ZBTB16: variants seen among roughly 807,000 people sequenced by gnomAD.
The protein encoded by ZBTB16 is zinc finger and BTB domain-containing protein 16.
ZBTB16 carries 8 observed loss-of-function variants against 56.8 expected under a neutral mutation model. The observed-to-expected ratio is 0.14, with a 90% CI of 0.08 to 0.25. The LOEUF is 0.25. ZBTB16 is among the 10% of genes least tolerant of loss of function. The pLI is 1.00. For missense variants in ZBTB16, 625 were observed against 903.0 expected, an observed-to-expected ratio of 0.69 and a Z score of 3.95; for synonymous variants, 363 against 368.5, an observed-to-expected ratio of 0.98 and a Z score of 0.17.
At chr11:114,230,645 G>GTGGGA (rs1375612792) in intron 4 of ZBTB16, among the ~76,000 whole-genome samples, 1 of 114,418 alleles carries the variant, frequency 8.7e-6, no homozygotes, top group Non-Finnish European at 1.7e-5. Context: ...GGGGGGGCGG[G>GTGGGA]AAGGAGAGGA....
intron 3 of ZBTB16, among the ~76,000 whole-genome samples, chr11:114,166,828 C>T (rs1184766815): frequency 1.3e-5 from 2 of 152,166 alleles, no homozygotes; most frequent in Non-Finnish European, 2.9e-5. Context: ...AGCCCCATGA[C>T]CTTTGGGGCT....
At chr11:114,214,947 G>A (rs978301001) in intron 4 of ZBTB16, among the ~76,000 whole-genome samples, 1 of 151,686 alleles carries the variant, frequency 6.6e-6, no homozygotes, top group Admixed American at 6.6e-5. Context: ...CTGCTCAATT[G>A]GGGTGGAGGG....
chr11:114,153,597 T>C (rs1942328724), intron 2 of ZBTB16, among the ~76,000 whole-genome samples: 1 of 152,160 alleles, frequency 6.6e-6, no homozygotes, highest in African/African-American at 2.4e-5. Flanking sequence ...CTCAGGCCAC[T>C]TGGATTAGAT....
intron 2 of ZBTB16, among the ~76,000 whole-genome samples, chr11:114,080,372 A>G (rs114819992): frequency 0.028 from 4,198 of 151,664 alleles, 178 homozygotes; most frequent in African/African-American, 0.095. Flanking sequence ...TGTCTGTTGG[A>G]CTCGGCTCTT....
intron 2 of ZBTB16, among the ~76,000 whole-genome samples, chr11:114,082,640 A>G (rs537380347): frequency 1.3e-5 from 2 of 152,136 alleles, no homozygotes; most frequent in Admixed American, 6.5e-5. Context: ...GTGCGTGATC[A>G]TCAGCTCCTA....
At chr11:114,096,765 G>A (rs551020603) in intron 2 of ZBTB16, among the ~76,000 whole-genome samples, 18 of 152,302 alleles carry the variant, frequency 1.2e-4, no homozygotes, top group Non-Finnish European at 1.6e-4. Context: ...GTACCCTTGC[G>A]TGGCTTCCCG....
intron 2 of ZBTB16, among the ~76,000 whole-genome samples, chr11:114,076,971 T>TCG (rs1939591407): frequency 6.6e-6 from 1 of 152,086 alleles, no homozygotes; most frequent in Non-Finnish European, 1.5e-5. Context: ...ATTCAACGGC[T>TCG]GGGGGGGAGA....
intron 4 of ZBTB16, among the ~76,000 whole-genome samples, chr11:114,202,331 G>A (rs1048829832): frequency 1.3e-5 from 2 of 152,166 alleles, no homozygotes; most frequent in African/African-American, 4.8e-5. Flanking sequence ...ACTGAGCTTG[G>A]AATACAAAAC....
chr11:114,072,834 C>T (rs964255884), intron 2 of ZBTB16, among the ~76,000 whole-genome samples: 273 of 152,032 alleles, frequency 1.8e-3, no homozygotes, highest in Non-Finnish European at 3.0e-3. Context: ...GGGCGGATCA[C>T]GAGGTCAGGA....
chr11:114,129,537 T>C (rs1941606798), intron 2 of ZBTB16, among the ~76,000 whole-genome samples: 1 of 152,240 alleles, frequency 6.6e-6, no homozygotes, highest in Non-Finnish European at 1.5e-5. Context: ...CTTTCATTCT[T>C]TGTCTTGGCC....
At chr11:114,135,036 C>A (rs1416670961) in intron 2 of ZBTB16, among the ~76,000 whole-genome samples, 1 of 152,216 alleles carries the variant, frequency 6.6e-6, no homozygotes. Flanking sequence ...TGCATATAGG[C>A]TGTAGTTCCT....
At chr11:114,103,386 C>A (rs910185063) in intron 2 of ZBTB16, among the ~76,000 whole-genome samples, 4 of 152,164 alleles carry the variant, frequency 2.6e-5, no homozygotes, top group Admixed American at 2.0e-4. Flanking sequence ...GGCTGAACAC[C>A]CTGCTTAAAA....
At chr11:114,230,633 G>GGGT (rs1263882700) in intron 4 of ZBTB16, among the ~76,000 whole-genome samples, 8 of 133,730 alleles carry the variant, frequency 6.0e-5, no homozygotes, top group Non-Finnish European at 1.3e-4. Context: ...ATCTTCTGTG[G>GGGT]GGGGGGGGCG....
intron 2 of ZBTB16, among the ~76,000 whole-genome samples, chr11:114,120,229 T>C (rs1202686587): frequency 2.0e-5 from 3 of 152,044 alleles, no homozygotes; most frequent in Non-Finnish European, 4.4e-5. Context: ...CACCCCAAAC[T>C]CCTCAGGCCT....
At chr11:114,073,752 A>G (rs376492892) in intron 2 of ZBTB16, among the ~76,000 whole-genome samples, 1 of 152,194 alleles carries the variant, frequency 6.6e-6, no homozygotes, top group African/African-American at 2.4e-5. Context: ...AGACTGTCAC[A>G]GACATTTTGA....
rs531287500 is a variant in ZBTB16, at chr11:114,222,556, G to A, written c.1454-19611G>A. On this transcript the variant is annotated intron_variant, in intron 4 of 6. Transcript: ENST00000335953. Reference sequence around the variant, plus strand: ...TGCCTGTATTGTCACATTTGCTTGCGAGGACACCTGGCATTGTATCCACCA... The same window carrying A: ...TGCCTGTATTGTCACATTTGCTTGCAAGGACACCTGGCATTGTATCCACCA... 3.9e-5 allele frequency among the ~76,000 whole-genome samples: 6 copies of A among 152,198 alleles called. No individual in the cohort carries two copies. In the South Asian group the frequency reaches 8.3e-4, roughly 21 times the overall value.
chr11:114,142,201 G>A (rs1357941857), intron 2 of ZBTB16, among the ~76,000 whole-genome samples: 3 of 152,160 alleles, frequency 2.0e-5, no homozygotes, highest in Admixed American at 6.5e-5. Flanking sequence ...GGCAGCGGTG[G>A]TTAAGGATTA....
At chr11:114,209,434 G>A (rs941925223) in intron 4 of ZBTB16, 38 of 985,238 alleles carry the variant, frequency 3.9e-5, no homozygotes, top group South Asian at 4.7e-5. Flanking sequence ...AGGAGACCCC[G>A]GTGCCTGGAT....
At position 114,064,693 on chromosome 11, in the gene ZBTB16, GA is replaced by G; in HGVS notation, c.1268+127del. ...GTCTTGGCAATTTGTGAAAAAACCA[GA>G]ACACTTCTTCTAAAGTTCTGGCGGG... On this transcript the variant is annotated intron_variant, in intron 2 of 6. Coordinates refer to ENST00000335953, the MANE Select transcript of ZBTB16 (RefSeq NM_006006.6). This position sits in a 1 kb window ranked among gnomAD's most constrained non-coding sequence, Gnocchi z 4.2. 2 of 1,272,488 alleles carry G rather than the reference GA, an allele frequency of 1.6e-6. No homozygotes were observed. The highest frequency in any genetic ancestry group is 2.2e-6 in the Non-Finnish European group (2 of 908,550). The allele number at this position is 1,272,488 out of a possible 1,614,324, so 78.8% of individuals were successfully genotyped here.
Sources: gnomAD v4.1 joint callset for allele counts (sites outside exome capture counted in the v4.1 genomes callset) on GRCh38, gnomAD v4.1.1 for gene constraint, Gnocchi (gnomAD v3.1) non-coding constraint, MANE v1.5 for transcripts, NCBI Gene and HGNC (gene_info 2026-07-23, HGNC 2026-07-21) for gene names.